The following TIAM1 variants were observed in gnomAD, a reference collection of about 807,000 sequenced individuals.
The protein encoded by TIAM1 is TIAM Rac1 associated GEF 1.
A neutral mutation model predicts 163.5 loss-of-function variants in TIAM1; 65 were observed. The ratio of observed to expected loss-of-function variants is 0.40; its 90% CI spans 0.33 to 0.49. The LOEUF (loss-of-function observed/expected upper bound fraction) is 0.49. Among genes scored for constraint, TIAM1 ranks in the 20% least tolerant of loss-of-function variants. The probability of loss-of-function intolerance (pLI) is 0.77; values close to 1 mark genes in which losing one functional copy is unlikely to be tolerated. For synonymous variants in TIAM1, 833 were observed against 810.1 expected (o/e 1.03, Z -0.48); for missense variants, 1,789 against 2,044.7 (o/e 0.87, Z 2.41).
At chr21:31,338,361 C>G (rs2075911810) in intron 2 of TIAM1, among the ~76,000 whole-genome samples, 2 of 152,208 alleles carry the variant, frequency 1.3e-5, no homozygotes, top group South Asian at 4.1e-4. Flanking sequence ...GACCAACCAA[C>G]ATAGGAGCCC....
intron 6 of TIAM1, among the ~76,000 whole-genome samples, chr21:31,235,671 T>C (rs531164611): frequency 2.0e-5 from 3 of 152,350 alleles, no homozygotes; most frequent in Admixed American, 1.3e-4. Context: ...CTTTTAATGT[T>C]AGCTGAATTC....
intron 1 of TIAM1, among the ~76,000 whole-genome samples, chr21:31,523,480 G>A (rs2047674744): frequency 6.6e-6 from 1 of 152,194 alleles, no homozygotes; most frequent in South Asian, 2.1e-4. Context: ...TAATAGTTCA[G>A]GGCAGCAGCA....
chr21:31,151,525 T>G (rs2083370714), intron 19 of TIAM1, among the ~76,000 whole-genome samples: 1 of 151,768 alleles, frequency 6.6e-6, no homozygotes, highest in Non-Finnish European at 1.5e-5. Context: ...ATATTTAACA[T>G]AACAGGGAGC....
intron 2 of TIAM1, among the ~76,000 whole-genome samples, chr21:31,431,585 T>C (rs2044029875): frequency 6.6e-6 from 1 of 152,234 alleles, no homozygotes; most frequent in Non-Finnish European, 1.5e-5. Context: ...TTATTTTACT[T>C]TTTAAAATAC....
intron 16 of TIAM1, among the ~76,000 whole-genome samples, chr21:31,155,506 T>C (rs1426840196): frequency 2.0e-5 from 3 of 152,176 alleles, no homozygotes; most frequent in African/African-American, 4.8e-5. Context: ...GGAAATTTTC[T>C]TACTTTTTTT....
At chr21:31,327,334 CT>C (rs1236563909) in intron 2 of TIAM1, among the ~76,000 whole-genome samples, 4 of 152,130 alleles carry the variant, frequency 2.6e-5, no homozygotes, top group African/African-American at 9.7e-5. Flanking sequence ...CTTTCTTCAT[CT>C]TCTATAAAGA....
chr21:31,146,869 C>A (rs1173194747), intron 20 of TIAM1, 26 bp downstream of exon 20: 1 of 1,587,614 alleles, frequency 6.3e-7, no homozygotes, highest in Non-Finnish European at 8.6e-7. Context: ...AACACACCCC[C>A]ACCTCCACAT....
intron 2 of TIAM1, among the ~76,000 whole-genome samples, chr21:31,446,083 G>A (rs187132734): frequency 1.3e-5 from 2 of 152,212 alleles, no homozygotes; most frequent in African/African-American, 4.8e-5. Context: ...TGGCATTACA[G>A]GCACCCGCCA....
At chr21:31,215,780 C>A (rs945783348) in intron 9 of TIAM1, among the ~76,000 whole-genome samples, 2 of 152,080 alleles carry the variant, frequency 1.3e-5, no homozygotes, top group African/African-American at 4.8e-5. Context: ...AGACAAACTG[C>A]GAAACTGCTT....
At chr21:31,408,279 CAA>C (rs950464748) in intron 2 of TIAM1, among the ~76,000 whole-genome samples, 31 of 151,998 alleles carry the variant, frequency 2.0e-4, no homozygotes, top group African/African-American at 6.5e-4. Context: ...AAGAGAAAGA[CAA>C]AGAGAAGAAA....
intron 16 of TIAM1, among the ~76,000 whole-genome samples, chr21:31,158,349 C>T (rs563260687): frequency 1.3e-5 from 2 of 152,194 alleles, no homozygotes; most frequent in South Asian, 2.1e-4. Context: ...TTATTAGGTA[C>T]GACCTAGGCC....
chr21:31,485,793 C>T (rs553343842), intron 1 of TIAM1, among the ~76,000 whole-genome samples: 2 of 152,264 alleles, frequency 1.3e-5, no homozygotes, highest in African/African-American at 2.4e-5. Flanking sequence ...AGCCCCCACA[C>T]GTATTAGCAC....
intron 2 of TIAM1, among the ~76,000 whole-genome samples, chr21:31,451,698 T>TCTGGGAGAAACTCA (rs140594128): frequency 1.3e-5 from 2 of 149,706 alleles, no homozygotes; most frequent in Admixed American, 6.7e-5. Flanking sequence ...GGCACCAGGC[T>TCTGGGAGAAACTCA]GAGTGAAAGC....
chr21:31,133,030 G>A (rs2082478311), intron 23 of TIAM1, among the ~76,000 whole-genome samples: 1 of 152,194 alleles, frequency 6.6e-6, no homozygotes, highest in Non-Finnish European at 1.5e-5. Context: ...TGAGGTTAGA[G>A]GTTTAAACCA....
intron 11 of TIAM1, among the ~76,000 whole-genome samples, chr21:31,206,631 C>A (rs1009005973): frequency 6.6e-6 from 1 of 152,088 alleles, no homozygotes; most frequent in South Asian, 2.1e-4. Flanking sequence ...GCAAATTATA[C>A]CCTAAGTATT....
chr21:31,485,212 G>A (rs938923397), intron 1 of TIAM1, among the ~76,000 whole-genome samples: 3 of 152,268 alleles, frequency 2.0e-5, no homozygotes, highest in African/African-American at 7.2e-5. Context: ...AGAGCAACAC[G>A]CTGCCTTCCC....
chr21:31,246,210 C>T (rs1054379292), intron 5 of TIAM1, among the ~76,000 whole-genome samples: 6 of 151,976 alleles, frequency 3.9e-5, no homozygotes, highest in African/African-American at 1.5e-4. Flanking sequence ...GTCTAACATC[C>T]CATCTATAAA....
chr21:31,217,400 C>G (rs1033898971), intron 9 of TIAM1, among the ~76,000 whole-genome samples, 153 bp downstream of exon 9: 3 of 152,156 alleles, frequency 2.0e-5, no homozygotes, highest in African/African-American at 7.2e-5. Flanking sequence ...TATGCATTAT[C>G]TATTAAAAGT....
At chr21:31,442,060 C>CAAAT (rs1299556171) in intron 2 of TIAM1, among the ~76,000 whole-genome samples, 27 of 29,468 alleles carry the variant, frequency 9.2e-4, no homozygotes, top group East Asian at 2.9e-3. Flanking sequence ...TATCTCAGAA[C>CAAAT]AAATAAATAA....
Sources: allele counts gnomAD v4.1 joint callset (sites outside exome capture counted in the v4.1 genomes callset), GRCh38; gene constraint gnomAD v4.1.1; transcripts MANE v1.5; gene names NCBI Gene and HGNC (gene_info 2026-07-23, HGNC 2026-07-21).